The following BBS1 variants were observed in gnomAD, a reference collection of about 807,000 sequenced individuals.
BBS1 encodes the protein BBSome complex member BBS1.
A neutral mutation model predicts 73.9 loss-of-function variants in BBS1; 60 were observed. The observed-to-expected ratio is 0.81, with a 90% CI of 0.66 to 1.01. The LOEUF (loss-of-function observed/expected upper bound fraction) is 1.01. Ranked by LOEUF, BBS1 falls within the 50% of genes least tolerant of loss-of-function variation. The pLI, the probability that BBS1 is intolerant of heterozygous loss-of-function variation, is 0.00. For synonymous variants in BBS1, 283 were observed against 317.4 expected, an observed-to-expected ratio of 0.89 and a Z score of 1.15; for missense variants, 718 against 770.3, an observed-to-expected ratio of 0.93 and a Z score of 0.80.
chr11:66,520,865 G>T, intron 8 of BBS1: 1 of 316,568 alleles, frequency 3.2e-6, no homozygotes, highest in South Asian at 2.8e-5. Flanking sequence ...TCTCATCTGT[G>T]GGACCACCAC....
At chr11:66,519,278 G>A (rs1856126467) in intron 7 of BBS1, among the ~76,000 whole-genome samples, 1 of 152,204 alleles carries the variant, frequency 6.6e-6, no homozygotes, top group South Asian at 2.1e-4. Context: ...GGCTAAGGCA[G>A]GAGAATTGCT....
chr11:66,523,973 G>A, intron 11 of BBS1, 91 bp downstream of exon 11: 1 of 1,561,602 alleles, frequency 6.4e-7, no homozygotes, highest in Non-Finnish European at 8.7e-7. Context: ...ACCACACATT[G>A]ATGCATTTCA....
chr11:66,523,241 C>T, intron 9 of BBS1: 1 of 691,724 alleles, frequency 1.4e-6, no homozygotes, highest in African/African-American at 1.8e-5. Flanking sequence ...GGGAGGAAGA[C>T]AAGACACCAT....
chr11:66,526,851 C>T, intron 13 of BBS1, 44 bp downstream of exon 13: 1 of 1,614,138 alleles, frequency 6.2e-7, no homozygotes, highest in Non-Finnish European at 8.5e-7. Context: ...TCCTCCACTG[C>T]TCCTACACAG....
chr11:66,526,155 C>T lies in BBS1; in HGVS notation c.1143C>T (p.Tyr381=), dbSNP rs1021331909. Residue 381 remains tyrosine (Y), a synonymous_variant, in exon 12 of 17, where the codon TAC becomes TAT. Transcript: ENST00000318312. ...TGACCAGCCTTTGCTTTGGCCGGTA[C>T]GGGCGGGAGGACAACACCCTCATCA... ...DAVTSLCFGR[Y]GREDNTLIMT... 2.2e-5 allele frequency: 35 copies of T among 1,614,018 alleles called. No homozygotes were observed. Among genetic ancestry groups the T allele is most frequent in the Middle Eastern group, 3.3e-4 (2 of 6,084 alleles).
At position 66,515,732 on chromosome 11, in the gene BBS1, G is replaced by C; in HGVS notation, c.518+1G>C. The C allele has an allele frequency of 6.2e-7, 1 of 1,614,190 alleles. No homozygotes were observed. The highest frequency in any genetic ancestry group is 8.5e-7 in the Non-Finnish European group (1 of 1,180,040). On this transcript the variant is annotated splice_donor_variant, in intron 6 of 16. Transcript: ENST00000318312. LOFTEE classifies it high-confidence loss of function. ...AGCCTTTGTCCATCCAGTCACTCAG[G>C]TAAGGACCCTGTGGAGGGCCAGGGT... is the stretch of plus-strand genomic sequence containing the variant.
intron 9 of BBS1, 127 bp from the exon 10 acceptor site, chr11:66,523,329 C>T: frequency 7.4e-7 from 1 of 1,342,632 alleles, no homozygotes; most frequent in Non-Finnish European, 1.1e-6. Flanking sequence ...GGAAATAATC[C>T]CAGGGTCATC....
chr11:66,530,597 G>A lies in BBS1; in HGVS notation c.1474-297G>A, dbSNP rs551057103. ...AAATGAACTGATCAAGCTACCCTAG[G>A]ATGAGAGTGGGAGGTGGAACAGGCA... On this transcript the variant is annotated intron_variant, in intron 14 of 16. Coordinates refer to ENST00000318312, the MANE Select transcript of BBS1 (RefSeq NM_024649.5). Among the ~76,000 whole-genome samples the A allele has an allele frequency of 5.1e-4, 78 of 152,276 alleles. 1 individual carries two copies. The highest frequency in any genetic ancestry group is 2.9e-3 in the South Asian group (14 of 4,824).
intron 4 of BBS1, 84 bp downstream of exon 4, chr11:66,514,762 G>A (rs1590756684): frequency 1.1e-5 from 17 of 1,528,450 alleles, no homozygotes; most frequent in Non-Finnish European, 1.3e-5. Context: ...TGGGAAGAAC[G>A]TGGGCTGGTG....
rs767817283 is a variant in BBS1, at chr11:66,529,887, G to C, written c.1408G>C (p.Ala470Pro). The change falls in exon 14 of 17, where the codon GCC becomes CCC. Residue 470 changes from alanine (A) to proline (P), a missense_variant. Physicochemically the swap from Ala to Pro is conservative, Grantham distance 27. Transcript: ENST00000318312. Reference sequence around the variant, plus strand: ...ACGTGCTGCCCGCGCCTACCTGCAGGCCCTCGAGTCCAGCCTGAGCCCCCT... The same window carrying C: ...ACGTGCTGCCCGCGCCTACCTGCAGCCCCTCGAGTCCAGCCTGAGCCCCCT... ...RLRAARAYLQ[A>P]LESSLSPLST... The C allele has an allele frequency of 6.2e-7, 1 of 1,609,280 alleles. No homozygotes were observed. Among genetic ancestry groups the C allele is most frequent in the Non-Finnish European group, 8.5e-7 (1 of 1,179,930 alleles).
chr11:66,520,043 C>G (rs1304073742), intron 8 of BBS1, among the ~76,000 whole-genome samples: 1 of 152,122 alleles, frequency 6.6e-6, no homozygotes, highest in East Asian at 1.9e-4. Context: ...GCCTCTAACC[C>G]TAGTGCTTTG....
intron 14 of BBS1, among the ~76,000 whole-genome samples, chr11:66,530,485 A>C (rs182533295): frequency 2.6e-5 from 4 of 152,302 alleles, no homozygotes; most frequent in Admixed American, 2.6e-4. Context: ...CATCTGACCC[A>C]ACCAGGTTCT....
chr11:66,523,255 G>T (rs561956004), intron 9 of BBS1: 27 of 721,866 alleles, frequency 3.7e-5, no homozygotes, highest in Middle Eastern at 2.3e-4. Context: ...ACACCATAGT[G>T]AAGGTGGGAG....
chr11:66,517,055 C>T (rs553682274), intron 7 of BBS1, among the ~76,000 whole-genome samples: 3 of 151,938 alleles, frequency 2.0e-5, no homozygotes, highest in South Asian at 2.1e-4. Flanking sequence ...AAAAATTAGC[C>T]GGGCATGGTA....
intron 8 of BBS1, 54 bp downstream of exon 8, chr11:66,519,802 C>T (rs995333198): frequency 5.0e-6 from 8 of 1,604,792 alleles, no homozygotes; most frequent in Admixed American, 3.3e-5. Context: ...GCATTCTCTC[C>T]CCATGCTCCA....
At position 66,514,520 on chromosome 11, in the gene BBS1, T is replaced by C. The variant is rs778339359; in HGVS notation, c.274T>C (p.Phe92Leu). 11 of 1,614,038 alleles carry C rather than the reference T, an allele frequency of 6.8e-6. No individual in the cohort carries two copies. In the African/African-American group the frequency reaches 1.5e-4, roughly 22 times the overall value. Residue 92 changes from phenylalanine to leucine, a missense_variant, in exon 4 of 17, where the codon TTC (phenylalanine) becomes CTC (leucine). Transcript: ENST00000318312. ...LPALPAAAAT[F>L]LMEQHEPRTP... ...TGCTCTGCCAGCTGCTGCTGCCACC[T>C]TCCTCATGGAGCAACATGAGCCCCG...
intron 5 of BBS1, 47 bp downstream of exon 5, chr11:66,515,633 A>C (rs191296122): frequency 1.9e-6 from 3 of 1,613,900 alleles, no homozygotes; most frequent in South Asian, 2.2e-5. Flanking sequence ...CCTTCATCCC[A>C]TCTGAGCCCC....
intron 3 of BBS1, 117 bp from the exon 4 acceptor site, chr11:66,514,289 G>T: frequency 1.4e-6 from 2 of 1,404,778 alleles, no homozygotes; most frequent in South Asian, 1.2e-5. Context: ...AAAGCCTGAG[G>T]GCAAAGCCTT....
At chr11:66,531,878 C>T in intron 16 of BBS1, 73 bp from the exon 17 acceptor site, 1 of 1,585,354 alleles carries the variant, frequency 6.3e-7, no homozygotes, top group Non-Finnish European at 8.6e-7. Flanking sequence ...TGTGGCCTGT[C>T]ATTAGGGCCA....
Sources: allele counts gnomAD v4.1 joint callset (sites outside exome capture counted in the v4.1 genomes callset), GRCh38; gene constraint gnomAD v4.1.1; transcripts MANE v1.5; gene names NCBI Gene and HGNC (gene_info 2026-07-23, HGNC 2026-07-21).